Variants in MRTFB observed in about 807,000 individuals in gnomAD.
The protein encoded by MRTFB is myocardin-related transcription factor B.
MRTFB carries 29 observed loss-of-function variants against 104.2 expected under a neutral mutation model. The ratio of observed to expected loss-of-function variants is 0.28; its 90% CI spans 0.21 to 0.38. The LOEUF (loss-of-function observed/expected upper bound fraction) is 0.38, where lower values mean the gene tolerates loss of function less well. Among genes scored for constraint, MRTFB ranks in the 10% least tolerant of loss-of-function variants. The pLI, the probability that MRTFB is intolerant of heterozygous loss-of-function variation, is 1.00. For synonymous variants in MRTFB, 535 were observed against 519.5 expected, an observed-to-expected ratio of 1.03 and a Z score of -0.41; for missense variants, 1,270 against 1,341.6, an observed-to-expected ratio of 0.95 and a Z score of 0.83.
Position 14,265,511 on chromosome 16 carries a change from A to G in MRTFB, c.*4067A>G, listed in dbSNP as rs2043917293. Reference sequence around the variant, plus strand: ...ACTGGAAAACAACTAAGATGTAGTAATTTTTTTTTCCTGGTTCAAACCTTC... The same window carrying G: ...ACTGGAAAACAACTAAGATGTAGTAGTTTTTTTTTCCTGGTTCAAACCTTC... On this transcript the variant is annotated 3_prime_UTR_variant, in exon 17 of 17. Coordinates refer to ENST00000571589, the MANE Select transcript of MRTFB (RefSeq NM_001308142.2). 1 of 151,874 alleles carries G rather than the reference A, an allele frequency of 6.6e-6. No individual in the cohort carries two copies. The highest frequency in any genetic ancestry group is 2.4e-5 in the African/African-American group (1 of 41,332). 9.4% of individuals were successfully genotyped at this position (151,874 alleles called of 1,614,324 possible).
intron 2 of MRTFB, among the ~76,000 whole-genome samples, chr16:14,118,379 C>T (rs1196497831): frequency 6.6e-6 from 1 of 151,390 alleles, no homozygotes; most frequent in Admixed American, 6.6e-5. Flanking sequence ...TGAACTCAAG[C>T]GATCTGCCCG....
chr16:14,019,799 G>A, the MRTFB span, among the ~76,000 whole-genome samples: 1 of 150,994 alleles, frequency 6.6e-6, no homozygotes, highest in Non-Finnish European at 1.5e-5. Context: ...CCACATGTTT[G>A]GGTTCAAATT....
chr16:14,214,364 C>G (rs1175071410), intron 6 of MRTFB, among the ~76,000 whole-genome samples: 1 of 152,152 alleles, frequency 6.6e-6, no homozygotes, highest in Non-Finnish European at 1.5e-5. Flanking sequence ...CAGAAACAAT[C>G]TGAAAACTTC....
intron 3 of MRTFB, among the ~76,000 whole-genome samples, chr16:14,199,716 C>T (rs2040598582): frequency 6.6e-6 from 1 of 152,164 alleles, no homozygotes; most frequent in African/African-American, 2.4e-5. Context: ...AAAATAAGTC[C>T]TGTGCTCAAA....
intron 2 of MRTFB, among the ~76,000 whole-genome samples, chr16:14,103,634 C>G (rs2035816543): frequency 6.6e-6 from 1 of 152,166 alleles, no homozygotes; most frequent in African/African-American, 2.4e-5. Flanking sequence ...CAGTTATACA[C>G]ATTGGCCAGT....
intron 3 of MRTFB, among the ~76,000 whole-genome samples, chr16:14,195,281 A>T (rs1220872135): frequency 6.6e-6 from 1 of 152,210 alleles, no homozygotes; most frequent in Non-Finnish European, 1.5e-5. Context: ...GCAAGGGATA[A>T]TGTGGCAATC....
Position 14,209,005 on chromosome 16 carries a change from A to G in MRTFB, c.155-1238A>G, listed in dbSNP as rs1363987863. ...CCAAACTTATTTCTGTATCTAATAG[A>G]TGATGACATTCATATCAAACAATGA... On this transcript the variant is annotated intron_variant, in intron 3 of 16. Coordinates refer to ENST00000571589, the MANE Select transcript of MRTFB (RefSeq NM_001308142.2). Among the ~76,000 whole-genome samples the G allele has an allele frequency of 3.9e-5, 6 of 152,350 alleles. No individual in the cohort carries two copies. In the East Asian group the frequency reaches 1.2e-3, roughly 29 times the overall value.
At chr16:14,097,417 G>A (rs1034350743) in intron 2 of MRTFB, among the ~76,000 whole-genome samples, 1 of 152,170 alleles carries the variant, frequency 6.6e-6, no homozygotes, top group African/African-American at 2.4e-5. Flanking sequence ...AACTTTTGTA[G>A]TTGTGTTTAT....
intron 2 of MRTFB, among the ~76,000 whole-genome samples, chr16:14,087,530 G>A (rs2034792506): frequency 6.6e-6 from 1 of 152,144 alleles, no homozygotes; most frequent in Non-Finnish European, 1.5e-5. Context: ...TCATAGTTAG[G>A]CAGTGGCAAA....
intron 3 of MRTFB, among the ~76,000 whole-genome samples, chr16:14,181,242 T>C (rs1378761766): frequency 2.0e-5 from 3 of 152,170 alleles, no homozygotes; most frequent in Non-Finnish European, 4.4e-5. Flanking sequence ...ACCATAACCA[T>C]TTAGTAACAG....
intron 3 of MRTFB, among the ~76,000 whole-genome samples, chr16:14,204,868 T>C (rs896484710): frequency 6.6e-6 from 1 of 152,232 alleles, no homozygotes; most frequent in African/African-American, 2.4e-5. Flanking sequence ...GTCTTCCTTT[T>C]AAGAATTCAA....
the MRTFB span, among the ~76,000 whole-genome samples, chr16:14,011,486 T>A: frequency 6.6e-6 from 1 of 152,228 alleles, no homozygotes; most frequent in Non-Finnish European, 1.5e-5. Flanking sequence ...CAAAGCTAAA[T>A]GGGTTTATTT....
chr16:14,035,906 G>T, the MRTFB span, among the ~76,000 whole-genome samples: 10 of 151,310 alleles, frequency 6.6e-5, no homozygotes, highest in East Asian at 1.8e-3. Flanking sequence ...AGTCCCCAAG[G>T]CCCACTGTGT....
intron 13 of MRTFB, 92 bp from the exon 14 acceptor site, chr16:14,251,770 G>C: frequency 7.1e-7 from 1 of 1,409,300 alleles, no homozygotes; most frequent in Non-Finnish European, 9.7e-7. Flanking sequence ...TACAGAAAAA[G>C]TTTGCTGACC....
chr16:14,246,991 A>G lies in MRTFB; in HGVS notation c.1731A>G (p.Lys577=), dbSNP rs892003093. ...AAAAGGATCGCAAGCTTCAGGAGAAAGAGAAGCAAATCGAAGAGCTGAAGA... is the reference window on the plus strand; with the variant it reads ...AAAAGGATCGCAAGCTTCAGGAGAAGGAGAAGCAAATCGAAGAGCTGAAGA... ...AAEKDRKLQE[K]EKQIEELKRK... is the part of the protein sequence containing the mutation. The change falls in exon 12 of 17, where the codon AAA becomes AAG. Residue 577 remains lysine (K), a synonymous_variant. Coordinates refer to ENST00000571589, the MANE Select transcript of MRTFB (RefSeq NM_001308142.2). The G allele has an allele frequency of 8.7e-6, 14 of 1,614,090 alleles. No homozygotes were observed. In the East Asian group the frequency reaches 2.9e-4, roughly 33 times the overall value.
chr16:14,223,572 G>A (rs1157308144), intron 8 of MRTFB, among the ~76,000 whole-genome samples: 9 of 152,014 alleles, frequency 5.9e-5, no homozygotes. Flanking sequence ...AAGATATAAT[G>A]GAATTGAAAA....
At chr16:14,117,464 T>C (rs2036600844) in intron 2 of MRTFB, among the ~76,000 whole-genome samples, 1 of 152,234 alleles carries the variant, frequency 6.6e-6, no homozygotes, top group South Asian at 2.1e-4. Context: ...TTTCACAGTT[T>C]TAATTATATA....
At chr16:14,049,525 A>T in the MRTFB span, among the ~76,000 whole-genome samples, 54 of 152,360 alleles carry the variant, frequency 3.5e-4, no homozygotes, top group Non-Finnish European at 6.0e-4. Flanking sequence ...GTGAAGAAAA[A>T]TGACAAATAA....
Position 14,110,825 on chromosome 16 carries a change from A to G in MRTFB, c.-63-29719A>G, listed in dbSNP as rs567496963. Among the ~76,000 whole-genome samples, 9 of 152,080 alleles carry G rather than the reference A, an allele frequency of 5.9e-5. No homozygotes were observed. In the East Asian group the frequency reaches 1.5e-3, roughly 26 times the overall value. The stretch of plus-strand genomic sequence containing the variant: ...ACCCTTTCTCTGCCCCAAGGCCCCA[A>G]ACTTGCCCCTATTCCCAGCGTGAAT... On this transcript the variant is annotated intron_variant, in intron 2 of 16. Transcript: ENST00000571589.
Sources: gnomAD v4.1 joint callset for allele counts (sites outside exome capture counted in the v4.1 genomes callset) on GRCh38, gnomAD v4.1.1 for gene constraint, MANE v1.5 for transcripts, NCBI Gene and HGNC (gene_info 2026-07-23, HGNC 2026-07-21) for gene names.